Variants in HLCS observed in about 807,000 individuals in gnomAD.
The protein encoded by HLCS is biotin--protein ligase.
A neutral mutation model predicts 75.0 loss-of-function variants in HLCS; 53 were observed. The observed-to-expected ratio is 0.71, with a 90% CI of 0.57 to 0.89. The LOEUF (loss-of-function observed/expected upper bound fraction) is 0.89, where lower values mean the gene tolerates loss of function less well. Ranked by LOEUF, HLCS falls within the 40% of genes least tolerant of loss-of-function variation. The pLI, the probability that HLCS is intolerant of heterozygous loss-of-function variation, is 0.00. For synonymous variants in HLCS, 431 were observed against 428.6 expected, an observed-to-expected ratio of 1.01 and a Z score of -0.07; for missense variants, 966 against 1,074.0, an observed-to-expected ratio of 0.90 and a Z score of 1.41.
chr21:36,919,413 A>G (rs1162592894), intron 5 of HLCS, among the ~76,000 whole-genome samples: 3 of 152,226 alleles, frequency 2.0e-5, no homozygotes, highest in Non-Finnish European at 4.4e-5. Context: ...TTTTTGAGCA[A>G]TGTCCGAGAT....
At chr21:36,989,038 A>AT (rs1268131668) in intron 1 of HLCS, among the ~76,000 whole-genome samples, 6 of 127,156 alleles carry the variant, frequency 4.7e-5, no homozygotes, top group African/African-American at 1.9e-4. Context: ...TTATTTATTT[A>AT]TTTATTTATT....
chr21:36,869,108 T>G (rs2063679015), intron 6 of HLCS, among the ~76,000 whole-genome samples: 1 of 76,322 alleles, frequency 1.3e-5, no homozygotes, highest in African/African-American at 1.1e-4. Flanking sequence ...ATTTATTTAT[T>G]TATTTATTTA....
intron 6 of HLCS, among the ~76,000 whole-genome samples, chr21:36,826,399 G>C (rs976730488): frequency 6.6e-6 from 1 of 152,184 alleles, no homozygotes; most frequent in Non-Finnish European, 1.5e-5. Flanking sequence ...GAAGTTTGTG[G>C]AATGAATGGA....
chr21:36,966,485 G>C lies in HLCS; in HGVS notation c.154C>G (p.Leu52Val). ...AAQPPGARVC[L>V]SRGGRVFCVS... ...CAGAAGACGCGGCCGCCACGGCTCA[G>C]GCACACGCGGGCGCCCGGGGGCTGC... The change falls in exon 1 of 11, where the codon CTG becomes GTG. Residue 52 changes from leucine (L) to valine (V), a missense_variant. Transcript: ENST00000674895. 1.0e-6 allele frequency: 1 copy of C among 976,840 alleles called. No individual in the cohort carries two copies. 60.5% of individuals were successfully genotyped at this position (976,840 alleles called of 1,614,324 possible).
chr21:36,749,859 G>A lies in HLCS; in HGVS notation c.*4387C>T, dbSNP rs1198162806. On this transcript the variant is annotated 3_prime_UTR_variant, in exon 11 of 11. Coordinates refer to ENST00000674895, the MANE Select transcript of HLCS (RefSeq NM_001352514.2). ...TAGTAAAAATAAATCAAGGCTATCG[G>A]AGCAGTTCAATAACAAAGGTTACTG... 6.6e-6 allele frequency: 1 copy of A among 152,148 alleles called. No individual in the cohort carries two copies. Among genetic ancestry groups the A allele is most frequent in the Admixed American group, 6.5e-5 (1 of 15,268 alleles). The allele number at this position is 152,148 out of a possible 1,614,324, so 9.4% of individuals were successfully genotyped here.
upstream of HLCS, among the ~76,000 whole-genome samples, chr21:36,967,605 A>G (rs2068660968): frequency 6.6e-6 from 1 of 152,262 alleles, no homozygotes; most frequent in South Asian, 2.1e-4. Context: ...ACAGCTGCGA[A>G]GCACAGCAAA....
chr21:36,799,791 C>A (rs3787753), intron 6 of HLCS, among the ~76,000 whole-genome samples: 23,486 of 152,114 alleles, frequency 0.15, 1,976 homozygotes, highest in African/African-American at 0.22. Flanking sequence ...TCCAAGGAGC[C>A]GAAAACTTGA....
intron 6 of HLCS, among the ~76,000 whole-genome samples, chr21:36,850,961 A>G (rs1317137412): frequency 6.6e-6 from 1 of 152,052 alleles, no homozygotes; most frequent in Non-Finnish European, 1.5e-5. Context: ...AGGATATGCC[A>G]TTGTTGAGGG....
At chr21:36,955,361 G>A (rs915276894) in intron 2 of HLCS, among the ~76,000 whole-genome samples, 5 of 152,158 alleles carry the variant, frequency 3.3e-5, no homozygotes, top group African/African-American at 1.2e-4. Flanking sequence ...TGAGGGCTGA[G>A]GTGAGAGGAC....
chr21:36,761,333 C>T (rs769877810), intron 8 of HLCS, among the ~76,000 whole-genome samples: 1 of 152,202 alleles, frequency 6.6e-6, no homozygotes, highest in Non-Finnish European at 1.5e-5. Context: ...TCCAACAGGC[C>T]TTCTTTTGAC....
chr21:36,818,733 T>A (rs2061737361), intron 6 of HLCS, among the ~76,000 whole-genome samples: 2 of 152,166 alleles, frequency 1.3e-5, no homozygotes, highest in African/African-American at 4.8e-5. Flanking sequence ...ATTTGAACAC[T>A]TCTCTTTTTC....
intron 1 of HLCS, among the ~76,000 whole-genome samples, chr21:36,981,463 C>T (rs1184222666): frequency 3.5e-5 from 5 of 142,820 alleles, no homozygotes; most frequent in Non-Finnish European, 6.0e-5. Flanking sequence ...TGCAGTGGCA[C>T]GATCTTGGCT....
chr21:36,963,558 G>A (rs1237536192), intron 1 of HLCS, among the ~76,000 whole-genome samples: 2 of 151,940 alleles, frequency 1.3e-5, no homozygotes, highest in African/African-American at 4.8e-5. Context: ...TTGGAGACCA[G>A]CCTGACCAAC....
intron 6 of HLCS, among the ~76,000 whole-genome samples, chr21:36,800,316 TA>T (rs1198141560): frequency 2.0e-5 from 3 of 152,130 alleles, no homozygotes; most frequent in Non-Finnish European, 2.9e-5. Flanking sequence ...ACACAGTGGG[TA>T]CTCCGTAACT....
intron 6 of HLCS, among the ~76,000 whole-genome samples, chr21:36,883,231 C>G (rs1309694492): frequency 6.6e-6 from 1 of 152,154 alleles, no homozygotes; most frequent in Non-Finnish European, 1.5e-5. Context: ...AGCAAATCAA[C>G]TCTCACCTCC....
At chr21:36,754,565 C>A in intron 10 of HLCS, 148 bp from the exon 11 acceptor site, 1 of 781,586 alleles carries the variant, frequency 1.3e-6, no homozygotes, top group Non-Finnish European at 2.2e-6. Flanking sequence ...CTGGGCTGAG[C>A]TCTGACTTTC....
intron 4 of HLCS, among the ~76,000 whole-genome samples, chr21:36,934,230 G>T (rs1310873943): frequency 6.6e-6 from 1 of 152,058 alleles, no homozygotes; most frequent in African/African-American, 2.4e-5. Flanking sequence ...TAGTTGGACC[G>T]AAAACCGGAA....
chr21:36,766,167 G>T (rs772640560), intron 7 of HLCS, among the ~76,000 whole-genome samples: 7 of 152,250 alleles, frequency 4.6e-5, no homozygotes, highest in Non-Finnish European at 1.0e-4. Context: ...GGGACTACAG[G>T]TGAGTACCAC....
At chr21:36,799,733 T>C (rs2061139887) in intron 6 of HLCS, among the ~76,000 whole-genome samples, 1 of 152,148 alleles carries the variant, frequency 6.6e-6, no homozygotes, top group Non-Finnish European at 1.5e-5. Context: ...CTGTAAGCAG[T>C]GCCAACAACG....
Sources: gnomAD v4.1 joint callset for allele counts (sites outside exome capture counted in the v4.1 genomes callset) on GRCh38, gnomAD v4.1.1 for gene constraint, MANE v1.5 for transcripts, NCBI Gene and HGNC (gene_info 2026-07-23, HGNC 2026-07-21) for gene names.